The following C8B variants were observed in gnomAD, a reference collection of about 807,000 sequenced individuals.
The protein encoded by C8B is complement component C8 beta chain.
A neutral mutation model predicts 64.6 loss-of-function variants in C8B; 67 were observed. The ratio of observed to expected loss-of-function variants is 1.04; its 90% CI spans 0.85 to 1.27. The LOEUF (loss-of-function observed/expected upper bound fraction) is 1.27. Among genes scored for constraint, C8B ranks in the 50% most tolerant of loss-of-function variants. C8B has a pLI of 0.00. For missense variants in C8B, 790 were observed against 725.2 expected (o/e 1.09, Z -1.03); for synonymous variants, 284 against 257.7 (o/e 1.10, Z -0.98).
rs776057562 is a variant in C8B at position 56,933,442 on chromosome 1, G to A, written c.1445C>T (p.Ser482Phe). The change falls in exon 10 of 12, where the codon TCC (serine) becomes TTC (phenylalanine). Residue 482 changes from serine to phenylalanine, a missense_variant. By Grantham distance (155) the Ser-to-Phe change is radical (BLOSUM62 -2). Coordinates refer to ENST00000371237, the MANE Select transcript of C8B (RefSeq NM_000066.4). ...CTTCATGTTCTGCCTCACTGTGCTG[G>A]AATAGGCAAAATCTGTGGCTGTCAC... ...ELVTATDFAY[S>F]STVRQNMKQA... is the part of the protein sequence containing the mutation. 1.6e-5 allele frequency: 26 copies of A among 1,613,688 alleles called. No individual in the cohort carries two copies. Among genetic ancestry groups the A allele is most frequent in the Middle Eastern group, 3.3e-4 (2 of 6,084 alleles).
At position 56,929,375 on chromosome 1, in the gene C8B, T is replaced by G. The variant is rs771909615; in HGVS notation, c.*29A>C. 1 of 1,610,908 alleles carries G rather than the reference T, an allele frequency of 6.2e-7. No individual in the cohort carries two copies. ...AGTTCTTGAGGGCTCAGGGCTCTCATTGTATGTAGCCCACTGCTGTATCAT... is the reference window on the plus strand; with the variant it reads ...AGTTCTTGAGGGCTCAGGGCTCTCAGTGTATGTAGCCCACTGCTGTATCAT... On this transcript the variant is annotated 3_prime_UTR_variant, in exon 12 of 12. Transcript: ENST00000371237.
intron 2 of C8B, chr1:56,959,407 C>A: frequency 1.5e-6 from 1 of 665,552 alleles, no homozygotes; most frequent in Non-Finnish European, 2.7e-6. Context: ...ATTGCTTTAT[C>A]CAACTGGAGG....
intron 11 of C8B, 29 bp from the exon 12 acceptor site, chr1:56,929,587 A>G (rs1284425907): frequency 3.1e-6 from 5 of 1,609,024 alleles, no homozygotes; most frequent in Admixed American, 1.7e-5. Flanking sequence ...ATAAGCATCA[A>G]TCAGCACTTC....
chr1:56,955,403 T>C (rs961023624), intron 3 of C8B, among the ~76,000 whole-genome samples: 1 of 152,204 alleles, frequency 6.6e-6, no homozygotes, highest in African/African-American at 2.4e-5. Context: ...TTCAACAACA[T>C]AGTCATTTGG....
At chr1:56,963,207 A>G (rs954606758) in intron 1 of C8B, among the ~76,000 whole-genome samples, 1 of 152,146 alleles carries the variant, frequency 6.6e-6, no homozygotes, top group South Asian at 2.1e-4. Context: ...CTCTTTTCCT[A>G]ACAGGCGTCT....
intron 4 of C8B, 142 bp downstream of exon 4, chr1:56,954,544 G>T: frequency 2.6e-6 from 3 of 1,141,318 alleles, no homozygotes; most frequent in Admixed American, 1.8e-5. Context: ...GAGAGCAACC[G>T]GAAGTGTTAC....
rs1303362112 is a variant in C8B at position 56,960,099 on chromosome 1, T to C, written c.170A>G (p.Asp57Gly). The change falls in exon 2 of 12, where the codon GAT (aspartate) becomes GGT (glycine). Residue 57 changes from aspartate to glycine, a missense_variant. Coordinates refer to ENST00000371237, the MANE Select transcript of C8B (RefSeq NM_000066.4). ...ACAATCAATGGGCATCAGGGTAACATCCACACTCCGCATCTGTCTGCTCTT... is the reference window on the plus strand; with the variant it reads ...ACAATCAATGGGCATCAGGGTAACACCCACACTCCGCATCTGTCTGCTCTT... Reference protein sequence around the residue: ...FAKSRQMRSVDVTLMPIDCEL... With the variant: ...FAKSRQMRSVGVTLMPIDCEL... 6.2e-7 allele frequency: 1 copy of C among 1,614,116 alleles called. No homozygotes were observed. Among genetic ancestry groups the C allele is most frequent in the Non-Finnish European group, 8.5e-7 (1 of 1,180,010 alleles).
intron 7 of C8B, among the ~76,000 whole-genome samples, chr1:56,944,272 T>C (rs1218740065): frequency 6.6e-6 from 1 of 152,150 alleles, no homozygotes; most frequent in Non-Finnish European, 1.5e-5. Context: ...GCATAGTATC[T>C]GGCAAAGAAA....
chr1:56,965,427 G>A (rs1419146989), intron 1 of C8B, among the ~76,000 whole-genome samples: 1 of 150,954 alleles, frequency 6.6e-6, no homozygotes, highest in Non-Finnish European at 1.5e-5. Flanking sequence ...GTGTGTGTAA[G>A]AAGGGGGTGG....
rs1377062156 is a variant in C8B at position 56,943,684 on chromosome 1, C to T, written c.1234+12G>A. ...ATTATAAGTGTGGAAGTCACAAGCC[C>T]CTGTCACTCACCTTTTATTTCATTC... is the stretch of plus-strand genomic sequence containing the variant. On this transcript the variant is annotated intron_variant, in intron 8 of 11. Transcript: ENST00000371237. The T allele has an allele frequency of 1.2e-6, 2 of 1,613,892 alleles. No homozygotes were observed. Among genetic ancestry groups the T allele is most frequent in the Non-Finnish European group, 1.7e-6 (2 of 1,179,870 alleles).
At chr1:56,930,313 T>C (rs553000499) in intron 11 of C8B, among the ~76,000 whole-genome samples, 2 of 152,332 alleles carry the variant, frequency 1.3e-5, no homozygotes, top group East Asian at 1.9e-4. Flanking sequence ...GTTGGTGAGA[T>C]TGGCAAGTCA....
intron 1 of C8B, among the ~76,000 whole-genome samples, chr1:56,964,693 A>G (rs1645227258): frequency 6.6e-6 from 1 of 152,166 alleles, no homozygotes; most frequent in Non-Finnish European, 1.5e-5. Flanking sequence ...AACGGTACAC[A>G]TAGCATATGC....
At chr1:56,935,705 T>C (rs1468868196) in intron 9 of C8B, among the ~76,000 whole-genome samples, 1 of 152,212 alleles carries the variant, frequency 6.6e-6, no homozygotes, top group African/African-American at 2.4e-5. Flanking sequence ...TTCCTTCTTG[T>C]ACAGGTGAAA....
intron 6 of C8B, among the ~76,000 whole-genome samples, chr1:56,949,221 G>A (rs974946193): frequency 1.3e-5 from 2 of 152,144 alleles, no homozygotes; most frequent in Non-Finnish European, 2.9e-5. Context: ...TATGTCATGA[G>A]GGTTCTGCCC....
At chr1:56,960,302 C>A (rs993191412) in intron 1 of C8B, 126 bp from the exon 2 acceptor site, 1 of 811,158 alleles carries the variant, frequency 1.2e-6, no homozygotes, top group African/African-American at 1.7e-5. Context: ...GTTTATCATT[C>A]CAGGATAACC....
chr1:56,958,466 A>T (rs1209874609), intron 2 of C8B, among the ~76,000 whole-genome samples: 2 of 152,102 alleles, frequency 1.3e-5, no homozygotes, highest in Non-Finnish European at 2.9e-5. Context: ...GCCTGTCAGG[A>T]CAGGGACAAG....
chr1:56,952,027 T>C (rs1216923275), intron 5 of C8B, 21 bp downstream of exon 5: 2 of 1,613,438 alleles, frequency 1.2e-6, no homozygotes, highest in South Asian at 2.2e-5. Flanking sequence ...CTCCCTCCAC[T>C]GCTACCTGGC....
intron 9 of C8B, 137 bp from the exon 10 acceptor site, chr1:56,933,625 C>G: frequency 1.3e-6 from 1 of 753,128 alleles, no homozygotes; most frequent in Non-Finnish European, 2.3e-6. Context: ...GATGGATCTC[C>G]CATCTTCTCT....
intron 9 of C8B, among the ~76,000 whole-genome samples, chr1:56,938,869 C>T (rs1644810078): frequency 6.7e-6 from 1 of 150,268 alleles, no homozygotes. Context: ...AATGTGAAGC[C>T]ATCTGCAGTT....
Sources: gnomAD v4.1 joint callset for allele counts (sites outside exome capture counted in the v4.1 genomes callset) on GRCh38, gnomAD v4.1.1 for gene constraint, MANE v1.5 for transcripts, NCBI Gene and HGNC (gene_info 2026-07-23, HGNC 2026-07-21) for gene names.